RTN4: variants seen among roughly 807,000 people sequenced by gnomAD.
The protein encoded by RTN4 is reticulon-4.
RTN4 carries 32 observed loss-of-function variants against 90.4 expected under a neutral mutation model. The observed-to-expected ratio is 0.35, with a 90% CI of 0.27 to 0.48. RTN4 has a LOEUF of 0.48. Ranked by LOEUF, RTN4 falls within the 20% of genes least tolerant of loss-of-function variation. The pLI is 0.99. For synonymous variants in RTN4, 629 were observed against 552.5 expected (o/e 1.14, Z -1.94); for missense variants, 1,706 against 1,430.2 (o/e 1.19, Z -3.11).
chr2:55,137,218 A>C, the RTN4 span, among the ~76,000 whole-genome samples: 1 of 152,196 alleles, frequency 6.6e-6, no homozygotes, highest in Non-Finnish European at 1.5e-5. Context: ...AAGGAACTGA[A>C]ATGCCCCAGG....
At chr2:55,110,716 C>T (rs1308898174) in intron 1 of RTN4, among the ~76,000 whole-genome samples, 1 of 152,084 alleles carries the variant, frequency 6.6e-6, no homozygotes, top group Non-Finnish European at 1.5e-5. Context: ...AGAAAGCCAA[C>T]CTCAAATCAG....
intron 1 of RTN4, among the ~76,000 whole-genome samples, chr2:55,042,348 G>T (rs1330749547): frequency 1.3e-5 from 2 of 152,098 alleles, no homozygotes; most frequent in Non-Finnish European, 2.9e-5. Context: ...AGTGTTCACA[G>T]AAATAGTATT....
intron 5 of RTN4, among the ~76,000 whole-genome samples, chr2:54,976,721 G>T (rs1425288406): frequency 6.6e-6 from 1 of 152,148 alleles, no homozygotes; most frequent in Non-Finnish European, 1.5e-5. Flanking sequence ...ATTATTAATG[G>T]GAATCCACCA....
chr2:54,986,548 G>A (rs1174303365), intron 4 of RTN4, among the ~76,000 whole-genome samples: 1 of 152,126 alleles, frequency 6.6e-6, no homozygotes, highest in African/African-American at 2.4e-5. Context: ...CAGTGGAAAA[G>A]AACAAAATTT....
chr2:55,080,895 A>G (rs975506144), intron 1 of RTN4, among the ~76,000 whole-genome samples: 1 of 152,232 alleles, frequency 6.6e-6, no homozygotes. Context: ...CACTATGTAA[A>G]GAATGCGCAA....
intron 1 of RTN4, among the ~76,000 whole-genome samples, chr2:55,084,303 CTT>C (rs145530803): frequency 1.2e-3 from 163 of 141,080 alleles, no homozygotes; most frequent in Admixed American, 1.2e-3. Flanking sequence ...TCCCCCCTGC[CTT>C]TTTTTTTTTT....
upstream of RTN4, among the ~76,000 whole-genome samples, chr2:55,114,678 G>T (rs1263245696): frequency 6.6e-6 from 1 of 152,178 alleles, no homozygotes; most frequent in Non-Finnish European, 1.5e-5. Flanking sequence ...CAGGCTGGGT[G>T]ATACAGTGAG....
chr2:55,039,647 T>C (rs530494076), intron 1 of RTN4, among the ~76,000 whole-genome samples: 2 of 152,038 alleles, frequency 1.3e-5, no homozygotes, highest in East Asian at 3.9e-4. Context: ...AGGTGTAGTG[T>C]TGGGTGCCTG....
intron 1 of RTN4, among the ~76,000 whole-genome samples, chr2:55,097,465 A>G (rs1667765614): frequency 6.6e-6 from 1 of 152,080 alleles, no homozygotes; most frequent in African/African-American, 2.4e-5. Context: ...ATAGAAAACA[A>G]GATCAAAACA....
intron 3 of RTN4, among the ~76,000 whole-genome samples, chr2:55,021,956 G>C (rs922162928): frequency 6.6e-6 from 1 of 152,186 alleles, no homozygotes; most frequent in African/African-American, 2.4e-5. Flanking sequence ...TTTTCTCAGA[G>C]AAGGGAGATA....
the RTN4 span, among the ~76,000 whole-genome samples, chr2:55,120,449 T>C: frequency 1.3e-5 from 2 of 152,016 alleles, no homozygotes; most frequent in Admixed American, 6.6e-5. Context: ...CAACGGGCCC[T>C]TCCTCCAAGC....
the RTN4 span, among the ~76,000 whole-genome samples, chr2:55,118,592 CA>C: frequency 0.092 from 14,073 of 152,164 alleles, 704 homozygotes; most frequent in East Asian, 0.19. Flanking sequence ...CCCTGCCCCC[CA>C]AAACACACTC....
chr2:55,043,942 C>A (rs576408136), intron 1 of RTN4, among the ~76,000 whole-genome samples: 34 of 152,056 alleles, frequency 2.2e-4, no homozygotes, highest in African/African-American at 8.0e-4. Context: ...GGTGTGGTGG[C>A]TCACGCCTGT....
chr2:55,057,869 G>C (rs1668217918), intron 2 of RTN4, among the ~76,000 whole-genome samples: 1 of 152,272 alleles, frequency 6.6e-6, no homozygotes, highest in East Asian at 1.9e-4. Context: ...TGTGGTTCTA[G>C]CTACTTGGGA....
At chr2:55,061,623 C>T (rs1668295819) in intron 2 of RTN4, among the ~76,000 whole-genome samples, 1 of 152,192 alleles carries the variant, frequency 6.6e-6, no homozygotes, top group African/African-American at 2.4e-5. Context: ...AATTCTTCTA[C>T]AGAAGAATGT....
At chr2:54,993,345 T>C (rs888588616) in intron 3 of RTN4, among the ~76,000 whole-genome samples, 1 of 152,154 alleles carries the variant, frequency 6.6e-6, no homozygotes, top group African/African-American at 2.4e-5. Context: ...GGCTTTCCTA[T>C]TGGAAAAAGA....
At chr2:55,133,178 T>A in the RTN4 span, among the ~76,000 whole-genome samples, 729 of 152,256 alleles carry the variant, frequency 4.8e-3, 10 homozygotes, top group African/African-American at 0.017. Flanking sequence ...GCCACAGCAC[T>A]ACAACCTGGG....
intron 3 of RTN4, among the ~76,000 whole-genome samples, chr2:54,992,250 G>A (rs574922697): frequency 6.6e-6 from 1 of 152,202 alleles, no homozygotes; most frequent in Non-Finnish European, 1.5e-5. Flanking sequence ...ATTAATAAGT[G>A]GCAGAACATG....
At chr2:55,071,084 C>T (rs1292370333) in intron 2 of RTN4, among the ~76,000 whole-genome samples, 3 of 148,970 alleles carry the variant, frequency 2.0e-5, no homozygotes, top group Non-Finnish European at 1.5e-5. Flanking sequence ...CCTTTTTTTT[C>T]TTCTTTTTTT....
Sources: allele counts gnomAD v4.1 joint callset (sites outside exome capture counted in the v4.1 genomes callset), GRCh38; gene constraint gnomAD v4.1.1; transcripts MANE v1.5; gene names NCBI Gene and HGNC (gene_info 2026-07-23, HGNC 2026-07-21).